The following HNMT variants were observed in gnomAD, a reference collection of about 807,000 sequenced individuals.
HNMT encodes histamine N-methyltransferase.
Under a neutral mutation model 32.1 loss-of-function variants are expected in HNMT, and 30 were observed. The observed-to-expected ratio is 0.93, with a 90% CI of 0.70 to 1.27. The LOEUF is 1.27. Among genes scored for constraint, HNMT ranks in the 50% most tolerant of loss-of-function variants. The pLI is 0.00. For missense variants in HNMT, 327 were observed against 346.0 expected (o/e 0.95, Z 0.43); for synonymous variants, 125 against 119.0 (o/e 1.05, Z -0.33).
intron 5 of HNMT, among the ~76,000 whole-genome samples, chr2:138,012,966 A>G (rs1681554528): frequency 6.6e-6 from 1 of 151,858 alleles, no homozygotes; most frequent in Non-Finnish European, 1.5e-5. Flanking sequence ...CTTATGCGCC[A>G]GTACTCTCTT....
intron 2 of HNMT, among the ~76,000 whole-genome samples, chr2:137,981,888 C>A (rs1680512097): frequency 6.6e-6 from 1 of 152,104 alleles, no homozygotes; most frequent in African/African-American, 2.4e-5. Context: ...GAGTCTTTCT[C>A]TGTCACCCAG....
chr2:137,977,741 C>T (rs554823653), intron 2 of HNMT, among the ~76,000 whole-genome samples: 12 of 151,610 alleles, frequency 7.9e-5, no homozygotes, highest in African/African-American at 2.9e-4. Context: ...ATTAAAATTT[C>T]CCTGAAAGTA....
chr2:137,972,671 T>C (rs373624880), intron 2 of HNMT, among the ~76,000 whole-genome samples: 5 of 152,164 alleles, frequency 3.3e-5, no homozygotes, highest in Non-Finnish European at 4.4e-5. Flanking sequence ...GTCTTATTAA[T>C]TCATTTAACC....
intron 2 of HNMT, among the ~76,000 whole-genome samples, chr2:137,999,918 T>TA (rs5834599): frequency 1.3e-5 from 2 of 148,416 alleles, no homozygotes; most frequent in African/African-American, 4.9e-5. Flanking sequence ...ATTTTTCTAA[T>TA]AAAAAAAAAA....
intron 2 of HNMT, among the ~76,000 whole-genome samples, chr2:137,978,780 TATA>T (rs1680381396): frequency 7.2e-6 from 1 of 139,614 alleles, no homozygotes; most frequent in East Asian, 2.1e-4. Flanking sequence ...TATAGTATTA[TATA>T]ATACTTTATA....
At chr2:138,012,962 C>T (rs1681554313) in intron 5 of HNMT, among the ~76,000 whole-genome samples, 1 of 152,024 alleles carries the variant, frequency 6.6e-6, no homozygotes. Context: ...TGCCCTTATG[C>T]GCCAGTACTC....
At chr2:138,012,686 A>G (rs1029129268) in intron 5 of HNMT, among the ~76,000 whole-genome samples, 2 of 152,142 alleles carry the variant, frequency 1.3e-5, no homozygotes, top group African/African-American at 4.8e-5. Context: ...CTGATGATAC[A>G]AAACTGCTCG....
At chr2:137,972,266 C>A (rs567780856) in intron 2 of HNMT, among the ~76,000 whole-genome samples, 74 of 152,078 alleles carry the variant, frequency 4.9e-4, no homozygotes, top group African/African-American at 1.6e-3. Context: ...CCACCACACC[C>A]GTCTAATTTT....
chr2:137,975,909 T>G (rs1032868588), intron 2 of HNMT, among the ~76,000 whole-genome samples: 1 of 152,170 alleles, frequency 6.6e-6, no homozygotes, highest in Non-Finnish European at 1.5e-5. Context: ...GGGCAAACAA[T>G]AGAATATTTG....
chr2:137,978,499 A>G (rs915507452), intron 2 of HNMT, among the ~76,000 whole-genome samples: 1 of 136,292 alleles, frequency 7.3e-6, no homozygotes, highest in African/African-American at 2.6e-5. Context: ...GTATTATACA[A>G]TACATATGAT....
At chr2:137,983,905 A>G (rs1287492065) in intron 2 of HNMT, among the ~76,000 whole-genome samples, 1 of 152,172 alleles carries the variant, frequency 6.6e-6, no homozygotes, top group Non-Finnish European at 1.5e-5. Flanking sequence ...CTGCTTCTTA[A>G]TTGCCTTTAG....
At position 138,014,353 on chromosome 2, in the gene HNMT, G is replaced by GCTCA; in HGVS notation, c.*224_*227dup. The GCTCA allele has an allele frequency of 2.4e-6, 1 of 416,106 alleles. No individual in the cohort carries two copies. Among genetic ancestry groups the GCTCA allele is most frequent in the Non-Finnish European group, 4.3e-6 (1 of 234,210 alleles). 25.8% of individuals were successfully genotyped at this position (416,106 alleles called of 1,614,324 possible). ...CTCCAGGTAGAGAGACCACAAGCAG[G>GCTCA]CTCAACATAACATAAGCTAGAAAAA... On this transcript the variant is annotated 3_prime_UTR_variant, in exon 6 of 6. Transcript: ENST00000280097.
intron 2 of HNMT, among the ~76,000 whole-genome samples, chr2:137,981,858 A>G (rs1558956336): frequency 6.6e-6 from 1 of 152,028 alleles, no homozygotes; most frequent in African/African-American, 2.4e-5. Flanking sequence ...TCTTATTATT[A>G]TTATCACTAT....
At chr2:137,981,370 A>C (rs781056416) in intron 2 of HNMT, 1 of 1,611,170 alleles carries the variant, frequency 6.2e-7, no homozygotes, top group African/African-American at 1.3e-5. Flanking sequence ...GCAAATCTGC[A>C]TTTCCCTCAT....
intron 2 of HNMT, among the ~76,000 whole-genome samples, chr2:137,974,068 T>C (rs867086720): frequency 9.2e-5 from 14 of 152,044 alleles, no homozygotes; most frequent in African/African-American, 2.6e-4. Flanking sequence ...GATTACACAT[T>C]CTAATGTTAG....
At chr2:138,004,985 A>C (rs1681287129) in intron 4 of HNMT, 147 bp from the exon 5 acceptor site, 2 of 564,740 alleles carry the variant, frequency 3.5e-6, no homozygotes, top group Non-Finnish European at 6.4e-6. Flanking sequence ...GTCTTCATGC[A>C]ACGTCTTTAA....
At chr2:138,005,072 C>G in intron 4 of HNMT, 60 bp from the exon 5 acceptor site, 3 of 914,264 alleles carry the variant, frequency 3.3e-6, no homozygotes, top group Non-Finnish European at 3.6e-6. Flanking sequence ...AGTATCTAGC[C>G]CAAGCAATAA....
At chr2:137,993,390 G>A (rs1472966233) in intron 2 of HNMT, among the ~76,000 whole-genome samples, 10 of 152,112 alleles carry the variant, frequency 6.6e-5, no homozygotes, top group African/African-American at 9.7e-5. Flanking sequence ...AACACAGCAC[G>A]AGAACTTCCT....
intron 2 of HNMT, among the ~76,000 whole-genome samples, chr2:137,970,954 A>G (rs1680115836): frequency 1.3e-5 from 2 of 149,784 alleles, no homozygotes; most frequent in Non-Finnish European, 3.0e-5. Flanking sequence ...AGAAAGAAAG[A>G]AAGAAAGAAA....
Sources: gnomAD v4.1 joint callset for allele counts (sites outside exome capture counted in the v4.1 genomes callset) on GRCh38, gnomAD v4.1.1 for gene constraint, MANE v1.5 for transcripts, NCBI Gene and HGNC (gene_info 2026-07-23, HGNC 2026-07-21) for gene names.